The following IL16 variants were observed in gnomAD, a reference collection of about 807,000 sequenced individuals.
IL16 encodes the protein pro-interleukin-16.
Under a neutral mutation model 110.1 loss-of-function variants are expected in IL16, and 67 were observed. That is an observed-to-expected ratio of 0.61 (90% confidence interval 0.50 to 0.75). IL16 has a LOEUF of 0.75. IL16 is among the 30% of genes least tolerant of loss of function. IL16 has a pLI of 0.00. For synonymous variants in IL16, 689 were observed against 662.9 expected, an observed-to-expected ratio of 1.04 and a Z score of -0.61; for missense variants, 1,545 against 1,655.0, an observed-to-expected ratio of 0.93 and a Z score of 1.15.
At chr15:81,302,299 G>A (rs1387397881) in intron 15 of IL16, 1 of 152,322 alleles carries the variant, frequency 6.6e-6, no homozygotes, top group Non-Finnish European at 1.5e-5. Flanking sequence ...TTTCGCTGTG[G>A]CTTTCACTTG....
At chr15:81,213,105 A>G (rs1409847136) in intron 1 of IL16, among the ~76,000 whole-genome samples, 1 of 151,372 alleles carries the variant, frequency 6.6e-6, no homozygotes, top group Admixed American at 6.6e-5. Context: ...TTAATTTAAA[A>G]GAATATTTTA....
intron 4 of IL16, among the ~76,000 whole-genome samples, chr15:81,268,622 C>T (rs1051967636): frequency 6.6e-6 from 1 of 152,278 alleles, no homozygotes; most frequent in Non-Finnish European, 1.5e-5. Flanking sequence ...CAGCTACCTC[C>T]ACATTCACAG....
At chr15:81,277,274 A>G (rs1338280757) in intron 6 of IL16, among the ~76,000 whole-genome samples, 2 of 152,130 alleles carry the variant, frequency 1.3e-5, no homozygotes, top group African/African-American at 4.8e-5. Context: ...TTTAGAAAGA[A>G]TAGAGTGAAA....
rs2141667068 is a variant in IL16, at chr15:81,313,015, G to A, written c.*4217G>A. 3.1e-6 allele frequency: 1 copy of A among 321,070 alleles called. No homozygotes were observed. Among genetic ancestry groups the A allele is most frequent in the East Asian group, 5.8e-5 (1 of 17,112 alleles). The allele number at this position is 321,070 out of a possible 1,614,324, so 19.9% of individuals were successfully genotyped here. ...TACCCTGCCAGGAGAGGCGTGTTTG[G>A]GTAACAGGCAGATGGAGTTTGGAAC... On this transcript the variant is annotated 3_prime_UTR_variant, in exon 19 of 19. Coordinates refer to ENST00000683961, the MANE Select transcript of IL16 (RefSeq NM_172217.5).
At chr15:81,246,446 A>G (rs1362523106) in intron 2 of IL16, among the ~76,000 whole-genome samples, 1 of 152,164 alleles carries the variant, frequency 6.6e-6, no homozygotes, top group Admixed American at 6.5e-5. Context: ...ATCTTTTAAG[A>G]TAATTTTTCT....
At chr15:81,276,848 A>G (rs950353598) in intron 6 of IL16, among the ~76,000 whole-genome samples, 12 of 152,250 alleles carry the variant, frequency 7.9e-5, no homozygotes, top group Non-Finnish European at 1.8e-4. Context: ...TAAAGATTAC[A>G]TACTATACTA....
Position 81,278,839 on chromosome 15 carries a change from TG to T in IL16, c.815del (p.Gly272ValfsTer7), listed in dbSNP as rs1899033636. On this transcript the variant is annotated frameshift_variant, in exon 7 of 19. Transcript: ENST00000683961. LOFTEE classifies it high-confidence loss of function. ...CAGGTGATGAAATTCTGGAGCTCAA[TG>T]GTGAATCAATGGCTGGACTAACACA... Reference protein sequence around the residue: ...QEGDEILELNGESMAGLTHQD... With the variant: ...QEGDEILELNXESMAGLTHQD... 2.5e-6 allele frequency: 4 copies of T among 1,612,778 alleles called. No individual in the cohort carries two copies. The highest frequency in any genetic ancestry group is 3.4e-6 in the Non-Finnish European group (4 of 1,178,744).
At chr15:81,230,215 C>A (rs1194531193) in intron 2 of IL16, among the ~76,000 whole-genome samples, 1 of 152,138 alleles carries the variant, frequency 6.6e-6, no homozygotes, top group Non-Finnish European at 1.5e-5. Flanking sequence ...TAAACAAAAG[C>A]AAATACAATT....
intron 2 of IL16, among the ~76,000 whole-genome samples, chr15:81,252,417 G>C (rs1282049380): frequency 6.6e-6 from 1 of 152,174 alleles, no homozygotes; most frequent in Admixed American, 6.5e-5. Flanking sequence ...AGGGAGAAAA[G>C]ATTAAAGGCA....
chr15:81,188,542 G>T (rs1160839058), intron 1 of IL16: 1 of 430,038 alleles, frequency 2.3e-6, no homozygotes, highest in Non-Finnish European at 4.7e-6. Context: ...GTCAGCAGCA[G>T]CCCAGGGGAT....
At chr15:81,261,361 C>T (rs1898148622) in intron 3 of IL16, among the ~76,000 whole-genome samples, 1 of 152,156 alleles carries the variant, frequency 6.6e-6, no homozygotes, top group South Asian at 2.1e-4. Context: ...TCCCTGGCTC[C>T]CTGGCATCCC....
chr15:81,256,423 T>C (rs1408513762), intron 2 of IL16, among the ~76,000 whole-genome samples: 7 of 149,524 alleles, frequency 4.7e-5, no homozygotes, highest in Admixed American at 1.3e-4. Flanking sequence ...AACCTCTGCC[T>C]CCCAGGTTTA....
chr15:81,271,773 G>T (rs1230653909), intron 5 of IL16, among the ~76,000 whole-genome samples: 5 of 152,116 alleles, frequency 3.3e-5, no homozygotes, highest in Admixed American at 1.3e-4. Context: ...GACACCATTT[G>T]TCCTGCCCAT....
chr15:81,273,071 C>T lies in IL16; in HGVS notation c.676-19C>T. ...ATGGAATACTACCCCTAAATCAGAC[C>T]TTCTCTTTTTTTCCCCAGGGTCTGG... On this transcript the variant is annotated intron_variant, in intron 5 of 18. Transcript: ENST00000683961. 15 of 1,593,400 alleles carry T rather than the reference C, an allele frequency of 9.4e-6. No individual in the cohort carries two copies. The highest frequency in any genetic ancestry group is 1.3e-5 in the Non-Finnish European group (15 of 1,163,382).
intron 11 of IL16, among the ~76,000 whole-genome samples, chr15:81,290,939 ATTTAATTCT>A (rs1899687497): frequency 6.6e-6 from 1 of 152,258 alleles, no homozygotes; most frequent in African/African-American, 2.4e-5. Context: ...TCTGACATTT[ATTTAATTCT>A]TATAATTCTT....
chr15:81,272,949 TC>T (rs1370494390), intron 5 of IL16, 140 bp from the exon 6 acceptor site: 73 of 439,764 alleles, frequency 1.7e-4, no homozygotes, highest in Middle Eastern at 6.9e-4. Flanking sequence ...GTTGTTAACC[TC>T]TGAGACCTCT....
intron 2 of IL16, among the ~76,000 whole-genome samples, chr15:81,237,902 T>TTTTA (rs993267431): frequency 6.6e-6 from 1 of 151,496 alleles, no homozygotes; most frequent in African/African-American, 2.4e-5. Flanking sequence ...ATTTTATTTA[T>TTTTA]TTTATTTATT....
intron 9 of IL16, among the ~76,000 whole-genome samples, chr15:81,285,309 G>A (rs1220392759): frequency 6.6e-6 from 1 of 152,162 alleles, no homozygotes; most frequent in Non-Finnish European, 1.5e-5. Context: ...CTACTTATGG[G>A]AACACAGAGG....
Position 81,308,524 on chromosome 15 carries a change from C to T in IL16, c.3806-81C>T, listed in dbSNP as rs191868486. 803 of 1,041,072 alleles carry T rather than the reference C, an allele frequency of 7.7e-4. 9 individuals are homozygous for T. The highest frequency in any genetic ancestry group is 1.5e-4 in the East Asian group (6 of 40,804). The allele number at this position is 1,041,072 out of a possible 1,614,324, so 64.5% of individuals were successfully genotyped here. On this transcript the variant is annotated intron_variant, in intron 18 of 18. Transcript: ENST00000683961. Reference sequence around the variant, plus strand: ...CCTGTTCTCTACCAAGCTATCCTGGCTCTTTGGAGATCAAGGAGAGGAGGC... The same window carrying T: ...CCTGTTCTCTACCAAGCTATCCTGGTTCTTTGGAGATCAAGGAGAGGAGGC...
Sources: allele counts gnomAD v4.1 joint callset (sites outside exome capture counted in the v4.1 genomes callset), GRCh38; gene constraint gnomAD v4.1.1; transcripts MANE v1.5; gene names NCBI Gene and HGNC (gene_info 2026-07-23, HGNC 2026-07-21).